The following ANKRD33B variants were observed in gnomAD, a reference collection of about 807,000 sequenced individuals.
ANKRD33B encodes ankyrin repeat domain 33B, also known as ankyrin repeat domain-containing protein 33B.
ANKRD33B carries 6 observed loss-of-function variants against 21.5 expected under a neutral mutation model. The ratio of observed to expected loss-of-function variants is 0.28; its 90% CI spans 0.15 to 0.55. The LOEUF (loss-of-function observed/expected upper bound fraction) is 0.55, where lower values mean the gene tolerates loss of function less well. Among genes scored for constraint, ANKRD33B ranks in the 20% least tolerant of loss-of-function variants. ANKRD33B has a pLI of 0.94. For missense variants in ANKRD33B, 698 were observed against 747.2 expected (o/e 0.93, Z 0.77); for synonymous variants, 347 against 342.4 (o/e 1.01, Z -0.15).
chr5:10,632,315 T>G (rs943954460), intron 2 of ANKRD33B, among the ~76,000 whole-genome samples: 4 of 152,052 alleles, frequency 2.6e-5, no homozygotes, highest in Non-Finnish European at 5.9e-5. Flanking sequence ...TGTGAAAAAT[T>G]TAACATTTTC....
In ANKRD33B at chr5:10,649,573, C is replaced by T. The variant is rs190756652; in HGVS notation, c.945C>T (p.Leu315=). 1,184 of 1,527,492 alleles carry T rather than the reference C, an allele frequency of 7.8e-4. 13 individuals are homozygous for T. The African/African-American group carries it at 0.012, about 16-fold the overall frequency. 94.6% of individuals were successfully genotyped at this position (1,527,492 alleles called of 1,614,324 possible). ...ACATGGTCCGGATGACCACGAGCCT[C>T]TACAGCCCCGCCGTGGCCATCGTGT... ...LDHMVRMTTS[L]YSPAVAIVCQ... Residue 315 remains leucine, a synonymous_variant, in exon 4 of 4, where the codon CTC becomes CTT. Coordinates refer to ENST00000296657, the MANE Select transcript of ANKRD33B (RefSeq NM_001164440.2).
intron 1 of ANKRD33B, among the ~76,000 whole-genome samples, chr5:10,603,856 GT>G (rs896692224): frequency 2.1e-5 from 3 of 143,284 alleles, no homozygotes; most frequent in African/African-American, 5.1e-5. Context: ...ATAGAAAAAT[GT>G]TTTTTTTTAA....
chr5:10,646,905 C>T (rs1737199340), intron 3 of ANKRD33B, among the ~76,000 whole-genome samples: 1 of 152,234 alleles, frequency 6.6e-6, no homozygotes, highest in African/African-American at 2.4e-5. Context: ...CAGGCCAGGG[C>T]AGTGGCTGGG....
intron 1 of ANKRD33B, among the ~76,000 whole-genome samples, chr5:10,611,261 T>A (rs1205034631): frequency 6.6e-6 from 1 of 152,214 alleles, no homozygotes; most frequent in Non-Finnish European, 1.5e-5. Flanking sequence ...TGACCTTTGT[T>A]AATGTTACCA....
In ANKRD33B at chr5:10,606,768, G is replaced by A. The variant is rs1323926485; in HGVS notation, c.367-11565G>A. Among the ~76,000 whole-genome samples the A allele has an allele frequency of 4.1e-5, 6 of 147,998 alleles. No homozygotes were observed. The South Asian group carries it at 8.6e-4, about 21-fold the overall frequency. On this transcript the variant is annotated intron_variant, in intron 1 of 3. Transcript: ENST00000296657. The stretch of plus-strand genomic sequence containing the variant: ...TTTTGAGGTGGAGTCTTGCTCTGTC[G>A]CCCAGGTTAGAGGGCAGTGGCGCAA...
intron 1 of ANKRD33B, among the ~76,000 whole-genome samples, chr5:10,570,037 C>T (rs192275730): frequency 1.2e-4 from 18 of 152,192 alleles, no homozygotes; most frequent in Non-Finnish European, 2.4e-4. Flanking sequence ...CCACCATGCC[C>T]GACTAATTTT....
chr5:10,617,427 T>A (rs893868319), intron 1 of ANKRD33B, among the ~76,000 whole-genome samples: 3 of 152,198 alleles, frequency 2.0e-5, no homozygotes, highest in African/African-American at 7.2e-5. Flanking sequence ...TCTGGGGTCA[T>A]CCTGGACTCT....
intron 3 of ANKRD33B, among the ~76,000 whole-genome samples, chr5:10,642,089 C>A (rs1046722761): frequency 6.6e-6 from 1 of 152,180 alleles, no homozygotes; most frequent in African/African-American, 2.4e-5. Flanking sequence ...CACATCACTG[C>A]ACTTTCCCAT....
chr5:10,640,710 C>T (rs796719048), intron 3 of ANKRD33B, among the ~76,000 whole-genome samples: 35 of 152,340 alleles, frequency 2.3e-4, no homozygotes, highest in African/African-American at 8.2e-4. Flanking sequence ...CTGCAAGTTC[C>T]TGAAGAAGTG....
At position 10,564,656 on chromosome 5, in the gene ANKRD33B, C is replaced by G; in HGVS notation, c.189C>G (p.Asp63Glu). The change falls in exon 1 of 4, where the codon GAC (aspartate) becomes GAG (glutamate). Residue 63 changes from aspartate (D) to glutamate (E), a missense_variant. Asp to Glu is a conservative substitution (Grantham distance 45). This residue lies in a region of ANKRD33B where 148 missense variants were observed against 154.9 expected (regional missense o/e 0.96). Transcript: ENST00000296657. ...ACGACTCTTTCTACCCTTTCGAGGA[C>G]GAGGAGGAGCACGGCGTCGAGAGCG... ...ASDDSFYPFE[D>E]EEEHGVESAE... The G allele has an allele frequency of 6.5e-7, 1 of 1,534,982 alleles. No individual in the cohort carries two copies.
At chr5:10,580,689 G>T (rs1329634516) in intron 1 of ANKRD33B, among the ~76,000 whole-genome samples, 3 of 152,046 alleles carry the variant, frequency 2.0e-5, no homozygotes, top group African/African-American at 7.2e-5. Context: ...TTTGCCTTTG[G>T]TGGGGTGTCG....
chr5:10,642,158 G>A (rs905336429), intron 3 of ANKRD33B, among the ~76,000 whole-genome samples: 1 of 152,150 alleles, frequency 6.6e-6, no homozygotes, highest in Non-Finnish European at 1.5e-5. Flanking sequence ...CGCTCCGTTT[G>A]ACTGCCGTGC....
chr5:10,601,332 C>T (rs930377663), intron 1 of ANKRD33B, among the ~76,000 whole-genome samples: 1 of 152,152 alleles, frequency 6.6e-6, no homozygotes, highest in African/African-American at 2.4e-5. Context: ...CCCGTCATGA[C>T]CCAGAATTCC....
At chr5:10,647,938 G>C (rs754317337) in intron 3 of ANKRD33B, among the ~76,000 whole-genome samples, 5 of 152,212 alleles carry the variant, frequency 3.3e-5, no homozygotes, top group Non-Finnish European at 5.9e-5. Context: ...TTAGATCCAT[G>C]TTTGATTAAA....
chr5:10,565,145 G>GCTGC (rs1735019642), intron 1 of ANKRD33B, among the ~76,000 whole-genome samples: 2 of 152,226 alleles, frequency 1.3e-5, no homozygotes, highest in Admixed American at 1.3e-4. Flanking sequence ...ATTCGCGCTG[G>GCTGC]CTGCCCGTGC....
At position 10,639,961 on chromosome 5, in the gene ANKRD33B, G is replaced by A. The variant is rs867931730; in HGVS notation, c.637+1793G>A. On this transcript the variant is annotated intron_variant, in intron 3 of 3. Coordinates refer to ENST00000296657, the MANE Select transcript of ANKRD33B (RefSeq NM_001164440.2). ...AGGCGGTGACGTGGAGTTGCGCGGT[G>A]ATGTTAGCGGGTGACGCGGAGTTGC... 4.2e-5 allele frequency among the ~76,000 whole-genome samples: 2 copies of A among 48,000 alleles called. 1 individual carries two copies. Among genetic ancestry groups the A allele is most frequent in the Non-Finnish European group, 9.9e-5 (2 of 20,252 alleles). 31.5% of individuals were successfully genotyped at this position (48,000 alleles called of 152,430 possible).
At chr5:10,586,485 C>CTG (rs55940283) in intron 1 of ANKRD33B, among the ~76,000 whole-genome samples, 3,495 of 140,456 alleles carry the variant, frequency 0.025, 86 homozygotes, top group African/African-American at 0.064. Flanking sequence ...GTTCTTGTAA[C>CTG]TGTGTGTGTG....
At chr5:10,627,738 T>C (rs1736609753) in intron 2 of ANKRD33B, among the ~76,000 whole-genome samples, 1 of 152,274 alleles carries the variant, frequency 6.6e-6, no homozygotes, top group South Asian at 2.1e-4. Context: ...TCCTTTTTTC[T>C]CAGTTTATAC....
chr5:10,641,175 C>A (rs1737045830), intron 3 of ANKRD33B, among the ~76,000 whole-genome samples: 1 of 150,720 alleles, frequency 6.6e-6, no homozygotes, highest in African/African-American at 2.4e-5. Context: ...GCTGGGCTCC[C>A]ACATTTAGTT....
Sources: gnomAD v4.1 joint callset for allele counts (sites outside exome capture counted in the v4.1 genomes callset) on GRCh38, gnomAD v4.1.1 for gene constraint, gnomAD v4.1.1 regional missense constraint, MANE v1.5 for transcripts, NCBI Gene and HGNC (gene_info 2026-07-23, HGNC 2026-07-21) for gene names.